The following ABCG2 variants were observed in gnomAD, a reference collection of about 807,000 sequenced individuals.
The protein encoded by ABCG2 is broad substrate specificity ATP-binding cassette transporter ABCG2.
Under a neutral mutation model 73.5 loss-of-function variants are expected in ABCG2, and 80 were observed. That is an observed-to-expected ratio of 1.09 (90% CI 0.91 to 1.31). The LOEUF (loss-of-function observed/expected upper bound fraction) is 1.31. Ranked by LOEUF, ABCG2 falls within the 50% of genes most tolerant of loss-of-function variation. The pLI, the probability that ABCG2 is intolerant of heterozygous loss-of-function variation, is 0.00. For missense variants in ABCG2, 796 were observed against 786.2 expected (o/e 1.01, Z -0.15); for synonymous variants, 269 against 282.4 (o/e 0.95, Z 0.48).
At chr4:88,177,915 G>C (rs1179737355) in intron 1 of ABCG2, among the ~76,000 whole-genome samples, 3 of 152,176 alleles carry the variant, frequency 2.0e-5, no homozygotes, top group Non-Finnish European at 2.9e-5. Context: ...CCAGTGGTCA[G>C]GACCAGAGTT....
At chr4:88,140,496 C>A (rs927735574) in intron 1 of ABCG2, among the ~76,000 whole-genome samples, 4 of 152,038 alleles carry the variant, frequency 2.6e-5, no homozygotes, top group South Asian at 4.2e-4. Context: ...GTGGCGTGTG[C>A]CTGTAATCCC....
In ABCG2 at chr4:88,138,842, C is replaced by G. The variant is rs542401791; in HGVS notation, c.203+951G>C. ...AACTCATCTATTGCTGAAATGCATG[C>G]CATTTGACCATAAAAAAAAATGCGT... On this transcript the variant is annotated intron_variant, in intron 2 of 15. Coordinates refer to ENST00000237612, the MANE Select transcript of ABCG2 (RefSeq NM_004827.3). Among the ~76,000 whole-genome samples, 67 of 152,144 alleles carry G rather than the reference C, an allele frequency of 4.4e-4. 1 individual carries two copies. The highest frequency in any genetic ancestry group is 1.5e-3 in the African/African-American group (63 of 41,506).
chr4:88,180,315 T>A lies in ABCG2; in HGVS notation c.-19-40301A>T, dbSNP rs201076764. On this transcript the variant is annotated intron_variant, in intron 1 of 15. Transcript: ENST00000515655. ...AAAAAACTTGGATCCTAGGATGGTATGTCTGGAGAAAATACCCTTCAAATA... is the reference window on the plus strand; with the variant it reads ...AAAAAACTTGGATCCTAGGATGGTAAGTCTGGAGAAAATACCCTTCAAATA... Among the ~76,000 whole-genome samples, 12 of 152,202 alleles carry A rather than the reference T, an allele frequency of 7.9e-5. No individual in the cohort carries two copies. The East Asian group carries it at 1.7e-3, about 22-fold the overall frequency.
At position 88,121,807 on chromosome 4, in the gene ABCG2, T is replaced by C; in HGVS notation, c.532-15A>G. 2.5e-6 allele frequency: 4 copies of C among 1,610,700 alleles called. No homozygotes were observed. The highest frequency in any genetic ancestry group is 1.1e-5 in the South Asian group (1 of 90,494). ...TGAGTTCCAACCTAAATCACAAATATTATAATTGTCAATGATAACAACCAG... is the reference window on the plus strand; with the variant it reads ...TGAGTTCCAACCTAAATCACAAATACTATAATTGTCAATGATAACAACCAG... On this transcript the variant is annotated splice_polypyrimidine_tract_variant and intron_variant, in intron 5 of 15. Transcript: ENST00000237612.
At chr4:88,102,501 C>G (rs1191890473) in intron 10 of ABCG2, among the ~76,000 whole-genome samples, 1 of 151,194 alleles carries the variant, frequency 6.6e-6, no homozygotes, top group Non-Finnish European at 1.5e-5. Context: ...GAGGCTGAGG[C>G]AGGAGAATCG....
chr4:88,165,767 G>A (rs1277445363), intron 1 of ABCG2, among the ~76,000 whole-genome samples: 5 of 152,022 alleles, frequency 3.3e-5, no homozygotes, highest in East Asian at 1.9e-4. Flanking sequence ...CCAGCTACTC[G>A]GGAGGCTGAG....
chr4:88,167,576 T>A (rs1289189310), intron 1 of ABCG2, among the ~76,000 whole-genome samples: 2 of 152,068 alleles, frequency 1.3e-5, no homozygotes, highest in Non-Finnish European at 2.9e-5. Context: ...GGTTTCACCA[T>A]ATTGGCCAGG....
At chr4:88,228,049 G>A (rs1730297287) in intron 1 of ABCG2, among the ~76,000 whole-genome samples, 1 of 152,164 alleles carries the variant, frequency 6.6e-6, no homozygotes, top group South Asian at 2.1e-4. Context: ...TATACTCCAG[G>A]AAGGTTGTGA....
intron 11 of ABCG2, among the ~76,000 whole-genome samples, chr4:88,100,192 A>T (rs1236286366): frequency 2.0e-4 from 1 of 4,902 alleles, no homozygotes; most frequent in Admixed American, 2.4e-3. Context: ...CAAAAAAATT[A>T]AAAAAAAAAA....
chr4:88,182,773 T>C (rs776644285), intron 1 of ABCG2, among the ~76,000 whole-genome samples: 118 of 152,102 alleles, frequency 7.8e-4, no homozygotes, highest in Admixed American at 4.4e-3. Context: ...GGGAAGTTTA[T>C]ATATGCACCT....
intron 1 of ABCG2, among the ~76,000 whole-genome samples, chr4:88,223,221 T>C (rs1730076025): frequency 6.6e-6 from 1 of 152,136 alleles, no homozygotes; most frequent in Admixed American, 6.5e-5. Context: ...AGTTAAGACT[T>C]TGGGGGACTG....
At chr4:88,131,247 G>T in intron 4 of ABCG2, 34 bp from the exon 5 acceptor site, 1 of 1,602,962 alleles carries the variant, frequency 6.2e-7, no homozygotes. Context: ...GAGACATAAT[G>T]ATAATGAGTC....
At chr4:88,167,496 C>T (rs1727586515) in intron 1 of ABCG2, among the ~76,000 whole-genome samples, 1 of 151,410 alleles carries the variant, frequency 6.6e-6, no homozygotes, top group Non-Finnish European at 1.5e-5. Context: ...GCCTCAACCT[C>T]CCGAGTAGCT....
At chr4:88,148,063 T>C (rs1726173729) in intron 1 of ABCG2, among the ~76,000 whole-genome samples, 1 of 152,074 alleles carries the variant, frequency 6.6e-6, no homozygotes, top group Admixed American at 6.6e-5. Flanking sequence ...GGTGGGAGGG[T>C]TTAGAAGCAA....
intron 1 of ABCG2, among the ~76,000 whole-genome samples, chr4:88,168,449 T>A (rs1372629631): frequency 6.6e-6 from 1 of 150,768 alleles, no homozygotes; most frequent in Non-Finnish European, 1.5e-5. Context: ...ATCTCGCCAC[T>A]GCACTCCACC....
At chr4:88,221,969 A>G (rs1485169370) in intron 1 of ABCG2, among the ~76,000 whole-genome samples, 1 of 152,210 alleles carries the variant, frequency 6.6e-6, no homozygotes, top group Non-Finnish European at 1.5e-5. Context: ...GGAGACCTTC[A>G]CAGCAGCCCA....
At chr4:88,151,642 G>A (rs1030603031) in intron 1 of ABCG2, among the ~76,000 whole-genome samples, 1 of 151,970 alleles carries the variant, frequency 6.6e-6, no homozygotes, top group African/African-American at 2.4e-5. Flanking sequence ...GGGAGGCTGA[G>A]GCAGGAGAAT....
intron 1 of ABCG2, among the ~76,000 whole-genome samples, chr4:88,186,144 A>G (rs1287032842): frequency 6.6e-6 from 1 of 152,220 alleles, no homozygotes; most frequent in Non-Finnish European, 1.5e-5. Context: ...GGATAAAGAA[A>G]ATATGCTACT....
chr4:88,164,509 C>T (rs1727436909), intron 1 of ABCG2, among the ~76,000 whole-genome samples: 1 of 152,090 alleles, frequency 6.6e-6, no homozygotes, highest in Admixed American at 6.6e-5. Context: ...AGGGGCTTTT[C>T]CCCTTTTGCT....
Sources: gnomAD v4.1 joint callset for allele counts (sites outside exome capture counted in the v4.1 genomes callset) on GRCh38, gnomAD v4.1.1 for gene constraint, MANE v1.5 for transcripts, NCBI Gene and HGNC (gene_info 2026-07-23, HGNC 2026-07-21) for gene names.